FRYL: variants seen among roughly 807,000 people sequenced by gnomAD.
The protein encoded by FRYL is FRY like transcription coactivator.
In FRYL, 150 loss-of-function variants were observed where a neutral mutation model predicts 351.2. That is an observed-to-expected ratio of 0.43 (90% CI 0.37 to 0.49). The LOEUF (loss-of-function observed/expected upper bound fraction) is 0.49. Among genes scored for constraint, FRYL ranks in the 20% least tolerant of loss-of-function variants. The probability of loss-of-function intolerance (pLI) is 0.00; values close to 1 mark genes in which losing one functional copy is unlikely to be tolerated. For missense variants in FRYL, 3,036 were observed against 3,619.3 expected, an observed-to-expected ratio of 0.84 and a Z score of 4.13; for synonymous variants, 1,153 against 1,257.1, an observed-to-expected ratio of 0.92 and a Z score of 1.75.
In FRYL at chr4:48,721,220, G is replaced by A. The variant is rs543254197; in HGVS notation, c.-383-10522C>T. On this transcript the variant is annotated intron_variant, in intron 1 of 63. Coordinates refer to ENST00000358350, the MANE Select transcript of FRYL (RefSeq NM_015030.2). ...TATTACCTTTCTCCCTAACTAGAAC[G>A]TAAACACCTATGGCCATTGTATCCT... 7.8e-4 allele frequency among the ~76,000 whole-genome samples: 119 copies of A among 152,120 alleles called. 1 individual carries two copies. Among genetic ancestry groups the A allele is most frequent in the South Asian group, 1.9e-3 (9 of 4,814 alleles).
chr4:48,692,082 A>T (rs1215240608), intron 2 of FRYL, among the ~76,000 whole-genome samples: 1 of 152,208 alleles, frequency 6.6e-6, no homozygotes, highest in Non-Finnish European at 1.5e-5. Context: ...AATATAGGAT[A>T]CTAAAGAGAA....
intron 27 of FRYL, 44 bp downstream of exon 27, chr4:48,570,783 C>T (rs756718246): frequency 4.6e-5 from 64 of 1,388,418 alleles, no homozygotes; most frequent in Non-Finnish European, 5.0e-5. Context: ...ATTACGTTCT[C>T]TAGGATCATT....
At chr4:48,755,686 A>C (rs1773700876) in intron 1 of FRYL, among the ~76,000 whole-genome samples, 1 of 152,198 alleles carries the variant, frequency 6.6e-6, no homozygotes, top group African/African-American at 2.4e-5. Context: ...TAAAAATGTA[A>C]TCAAAGCCAA....
intron 1 of FRYL, among the ~76,000 whole-genome samples, chr4:48,738,641 G>A (rs1212955767): frequency 1.3e-5 from 2 of 151,298 alleles, no homozygotes; most frequent in African/African-American, 4.9e-5. Context: ...GGGACTACAG[G>A]AATATGCCAC....
intron 33 of FRYL, among the ~76,000 whole-genome samples, chr4:48,559,527 C>CTA (rs1734921926): frequency 0.031 from 19 of 614 alleles, 2 homozygotes; most frequent in Non-Finnish European, 0.083. Context: ...TCCTCTCTCT[C>CTA]CAAAAAAAAA....
At chr4:48,603,431 T>C (rs769754332) in intron 11 of FRYL, 43 bp from the exon 12 acceptor site, 1 of 1,190,804 alleles carries the variant, frequency 8.4e-7, no homozygotes, top group African/African-American at 1.5e-5. Flanking sequence ...ATACAGATGT[T>C]AGATTAAACT....
At chr4:48,580,717 C>A in intron 22 of FRYL, 148 bp downstream of exon 22, 1 of 519,260 alleles carries the variant, frequency 1.9e-6, no homozygotes, top group South Asian at 3.2e-5. Flanking sequence ...AAGTACTACT[C>A]TTAAGCATTT....
chr4:48,553,662 A>ACC (rs201128861), intron 35 of FRYL, among the ~76,000 whole-genome samples: 3 of 118,654 alleles, frequency 2.5e-5, no homozygotes, highest in East Asian at 2.6e-4. Flanking sequence ...TAAAAAAAAA[A>ACC]AAAAAAAAAA....
At chr4:48,698,176 C>A (rs530113528) in intron 2 of FRYL, among the ~76,000 whole-genome samples, 1 of 152,294 alleles carries the variant, frequency 6.6e-6, no homozygotes, top group African/African-American at 2.4e-5. Context: ...ACAAAGGAGA[C>A]AGTCATCAAC....
At chr4:48,515,756 TATC>T (rs1199030506) in intron 55 of FRYL, among the ~76,000 whole-genome samples, 2 of 152,214 alleles carry the variant, frequency 1.3e-5, no homozygotes, top group Admixed American at 6.5e-5. Context: ...TATCACCTAT[TATC>T]ATATAGAAAC....
chr4:48,711,512 AG>A (rs942124643), intron 1 of FRYL, among the ~76,000 whole-genome samples: 1 of 152,164 alleles, frequency 6.6e-6, no homozygotes, highest in Non-Finnish European at 1.5e-5. Context: ...AGGCTAGGGG[AG>A]GGGCGCCCAC....
At chr4:48,734,213 GAA>G (rs1771036131) in intron 1 of FRYL, among the ~76,000 whole-genome samples, 1 of 152,094 alleles carries the variant, frequency 6.6e-6, no homozygotes, top group Non-Finnish European at 1.5e-5. Flanking sequence ...AATGGATAAA[GAA>G]AGAGATGTCA....
At chr4:48,618,235 T>C (rs1275929612) in intron 7 of FRYL, 1 of 152,234 alleles carries the variant, frequency 6.6e-6, no homozygotes, top group Non-Finnish European at 1.5e-5. Context: ...TTTAATTAAC[T>C]CTTCTGTTTT....
intron 2 of FRYL, among the ~76,000 whole-genome samples, chr4:48,704,949 CAAAAA>C (rs780894705): frequency 2.0e-5 from 1 of 50,730 alleles, no homozygotes. Context: ...GACTCCGTCT[CAAAAA>C]AAAAAAAAAA....
chr4:48,640,429 T>C (rs1260622284), intron 3 of FRYL, among the ~76,000 whole-genome samples: 1 of 152,176 alleles, frequency 6.6e-6, no homozygotes, highest in Non-Finnish European at 1.5e-5. Context: ...ACTGTATGAC[T>C]GCAACTATAT....
intron 23 of FRYL, among the ~76,000 whole-genome samples, chr4:48,576,765 C>A (rs538076633): frequency 4.1e-4 from 62 of 151,966 alleles, no homozygotes; most frequent in African/African-American, 1.4e-3. Context: ...TTTTATTGGG[C>A]CATATTTTAT....
chr4:48,557,373 G>A, intron 34 of FRYL, 80 bp downstream of exon 34: 1 of 1,529,710 alleles, frequency 6.5e-7, no homozygotes, highest in Non-Finnish European at 8.9e-7. Context: ...CAGGATTATG[G>A]AACCTCTTCA....
intron 3 of FRYL, among the ~76,000 whole-genome samples, chr4:48,641,420 C>G (rs1405716991): frequency 6.6e-6 from 1 of 151,966 alleles, no homozygotes; most frequent in Non-Finnish European, 1.5e-5. Flanking sequence ...ATTCTTATTT[C>G]AAGTAATATG....
intron 28 of FRYL, among the ~76,000 whole-genome samples, chr4:48,566,810 C>A (rs7695813): frequency 0.94 from 143,675 of 152,282 alleles, 67,904 homozygotes; most frequent in South Asian, 0.98. Context: ...TCGATATAGA[C>A]CCTACTCAAT....
Sources: gnomAD v4.1 joint callset for allele counts (sites outside exome capture counted in the v4.1 genomes callset) on GRCh38, gnomAD v4.1.1 for gene constraint, MANE v1.5 for transcripts, NCBI Gene and HGNC (gene_info 2026-07-23, HGNC 2026-07-21) for gene names.